The following TRIM5 variants were observed in gnomAD, a reference collection of about 807,000 sequenced individuals.
The protein encoded by TRIM5 is tripartite motif containing 5.
A neutral mutation model predicts 35.6 loss-of-function variants in TRIM5; 31 were observed. The ratio of observed to expected loss-of-function variants is 0.87; its 90% CI spans 0.65 to 1.18. The LOEUF is 1.18. TRIM5 is among the 50% of genes most tolerant of loss of function. The pLI is 0.00. For synonymous variants in TRIM5, 243 were observed against 215.6 expected (o/e 1.13, Z -1.11); for missense variants, 609 against 591.6 (o/e 1.03, Z -0.31).
chr11:5,627,652 G>A, the TRIM5 span, among the ~76,000 whole-genome samples: 2 of 152,194 alleles, frequency 1.3e-5, no homozygotes, highest in Non-Finnish European at 2.9e-5. Context: ...ATGTGGTATA[G>A]ATTGGGCCCT....
chr11:5,661,427 C>T (rs1054599109), downstream of TRIM5, among the ~76,000 whole-genome samples: 3 of 152,118 alleles, frequency 2.0e-5, no homozygotes, highest in African/African-American at 7.2e-5. Flanking sequence ...CTTTGTCCTC[C>T]CACTGGTTTC....
At chr11:5,645,867 GAAA>G in the TRIM5 span, 112 of 135,518 alleles carry the variant, frequency 8.3e-4, no homozygotes, top group Non-Finnish European at 1.2e-3. Context: ...TAGTCTTCTG[GAAA>G]AAAAAAAAAA....
At chr11:5,629,397 G>A in the TRIM5 span, among the ~76,000 whole-genome samples, 2 of 152,162 alleles carry the variant, frequency 1.3e-5, no homozygotes, top group African/African-American at 4.8e-5. Flanking sequence ...ATTCACATAA[G>A]TGAACAATTT....
chr11:5,592,432 C>A, the TRIM5 span, among the ~76,000 whole-genome samples: 1 of 152,004 alleles, frequency 6.6e-6, no homozygotes, highest in Admixed American at 6.6e-5. Flanking sequence ...AGTAACTTGC[C>A]CCAAATCATA....
At chr11:5,635,250 GTTAATT>G in the TRIM5 span, among the ~76,000 whole-genome samples, 1 of 137,178 alleles carries the variant, frequency 7.3e-6, no homozygotes, top group East Asian at 2.1e-4. Context: ...AATGTTCCCT[GTTAATT>G]TTTTTTTTTT....
chr11:5,608,574 A>G, the TRIM5 span, among the ~76,000 whole-genome samples: 1,972 of 152,212 alleles, frequency 0.013, 11 homozygotes, highest in Non-Finnish European at 0.021. Context: ...CCTCTCTGGT[A>G]GGAAAATGTG....
intron 1 of TRIM5, among the ~76,000 whole-genome samples, chr11:5,684,652 A>G (rs1852874749): frequency 6.6e-6 from 1 of 152,186 alleles, no homozygotes; most frequent in African/African-American, 2.4e-5. Flanking sequence ...AGTTCAATTA[A>G]AAAGTATAGA....
chr11:5,683,552 G>T (rs371548653), intron 1 of TRIM5, among the ~76,000 whole-genome samples: 22 of 151,330 alleles, frequency 1.5e-4, no homozygotes, highest in African/African-American at 4.9e-4. Flanking sequence ...ACACCAATCG[G>T]CACTCTGTAT....
At chr11:5,605,770 C>G in the TRIM5 span, among the ~76,000 whole-genome samples, 1 of 152,220 alleles carries the variant, frequency 6.6e-6, no homozygotes, top group South Asian at 2.1e-4. Flanking sequence ...AAGGGAAAGT[C>G]CCATTTTTAT....
At chr11:5,650,299 A>G in the TRIM5 span, among the ~76,000 whole-genome samples, 1 of 152,226 alleles carries the variant, frequency 6.6e-6, no homozygotes, top group Non-Finnish European at 1.5e-5. Flanking sequence ...GATTCAGTAT[A>G]TAACATACGT....
downstream of TRIM5, among the ~76,000 whole-genome samples, chr11:5,661,208 G>C (rs1442084052): frequency 6.6e-6 from 1 of 151,694 alleles, no homozygotes; most frequent in African/African-American, 2.4e-5. Flanking sequence ...CATCAAGAAG[G>C]AGTATTGGTT....
intron 5 of TRIM5, among the ~76,000 whole-genome samples, chr11:5,667,214 T>C (rs1851207670): frequency 6.6e-6 from 1 of 152,182 alleles, no homozygotes; most frequent in Admixed American, 6.5e-5. Context: ...TTTAATTTTA[T>C]TGATTTTTCT....
chr11:5,640,424 G>A, the TRIM5 span, among the ~76,000 whole-genome samples: 2 of 151,196 alleles, frequency 1.3e-5, no homozygotes, highest in Admixed American at 6.6e-5. Context: ...TTATTAATAT[G>A]GTATATTACA....
the TRIM5 span, among the ~76,000 whole-genome samples, chr11:5,638,846 T>C: frequency 2.6e-5 from 4 of 152,202 alleles, no homozygotes; most frequent in South Asian, 6.2e-4. Flanking sequence ...AGGGAGTTTA[T>C]TTTTGCAACT....
chr11:5,596,522 C>A, the TRIM5 span: 2 of 29,220 alleles, frequency 6.8e-5, no homozygotes, highest in African/African-American at 2.1e-4. Context: ...TTCTCCCCTT[C>A]CCCCCTTCCC....
At chr11:5,634,848 T>C in the TRIM5 span, 10 of 1,612,554 alleles carry the variant, frequency 6.2e-6, no homozygotes, top group Admixed American at 1.7e-5. Context: ...TGGTCAACAA[T>C]GGAGCTGCTG....
At chr11:5,603,201 C>T in the TRIM5 span, 4 of 1,580,014 alleles carry the variant, frequency 2.5e-6, no homozygotes, top group Non-Finnish European at 2.6e-6. Context: ...CTTATTCTCC[C>T]TCCTTTCTTA....
At chr11:5,654,160 TA>T in the TRIM5 span, among the ~76,000 whole-genome samples, 67,568 of 151,766 alleles carry the variant, frequency 0.45, 15,639 homozygotes, top group Non-Finnish European at 0.5. Context: ...ATTTCATAGA[TA>T]TTTTTTCCTT....
In TRIM5 at chr11:5,663,316, G is replaced by A; in HGVS notation, c.*1493C>T. 8 of 942,030 alleles carry A rather than the reference G, an allele frequency of 8.5e-6. No individual in the cohort carries two copies. The highest frequency in any genetic ancestry group is 1.0e-5 in the Non-Finnish European group (8 of 790,602). The allele number at this position is 942,030 out of a possible 1,614,324, so 58.4% of individuals were successfully genotyped here. A position where few individuals can be genotyped will look rare whatever the true frequency, so the allele number is the denominator to read the frequency against. On this transcript the variant is annotated 3_prime_UTR_variant, in exon 8 of 8. Transcript: ENST00000380034. The stretch of plus-strand genomic sequence containing the variant: ...GATTCCCACATAATTCAGTTTGTTT[G>A]ATAAAGACTAATATGTAGCAACACT...
Sources: gnomAD v4.1 joint callset for allele counts (sites outside exome capture counted in the v4.1 genomes callset) on GRCh38, gnomAD v4.1.1 for gene constraint, MANE v1.5 for transcripts, NCBI Gene and HGNC (gene_info 2026-07-23, HGNC 2026-07-21) for gene names.